The following MAGI2 variants were observed in gnomAD, a reference collection of about 807,000 sequenced individuals.
MAGI2 encodes the protein membrane associated guanylate kinase, WW and PDZ domain containing 2.
Under a neutral mutation model 133.3 loss-of-function variants are expected in MAGI2, and 35 were observed. The observed-to-expected ratio is 0.26, with a 90% CI of 0.20 to 0.35. The LOEUF (loss-of-function observed/expected upper bound fraction) is 0.35. MAGI2 is among the 10% of genes least tolerant of loss of function. The pLI is 1.00. For synonymous variants in MAGI2, 729 were observed against 710.6 expected (o/e 1.03, Z -0.41); for missense variants, 1,636 against 1,863.4 (o/e 0.88, Z 2.25).
intron 20 of MAGI2, among the ~76,000 whole-genome samples, chr7:78,120,949 C>G (rs3972353): frequency 0.69 from 96,370 of 139,026 alleles, 33,501 homozygotes; most frequent in African/African-American, 0.76. Context: ...TGCAGTGAGC[C>G]GAGATCCCGC....
intron 6 of MAGI2, among the ~76,000 whole-genome samples, chr7:78,489,535 A>T (rs1793393929): frequency 6.6e-6 from 1 of 152,138 alleles, no homozygotes; most frequent in African/African-American, 2.4e-5. Context: ...ACCAACAGAG[A>T]TGACAGAGAT....
At chr7:78,460,722 AATGGAGGTTGCTAG>A (rs1421103550) in intron 6 of MAGI2, among the ~76,000 whole-genome samples, 1 of 152,208 alleles carries the variant, frequency 6.6e-6, no homozygotes, top group South Asian at 2.1e-4. Flanking sequence ...CTTTGGGTTA[AATGGAGGTTGCTAG>A]GTGGAGGTTG....
At chr7:78,192,590 G>C (rs1351204932) in intron 12 of MAGI2, among the ~76,000 whole-genome samples, 1 of 150,414 alleles carries the variant, frequency 6.6e-6, no homozygotes, top group Non-Finnish European at 1.5e-5. Context: ...TATTCAGAGA[G>C]ACTAGAGAAA....
intron 6 of MAGI2, among the ~76,000 whole-genome samples, chr7:78,480,963 A>G (rs772941979): frequency 9.2e-5 from 14 of 151,978 alleles, no homozygotes; most frequent in Non-Finnish European, 2.1e-4. Context: ...GGATTGGAAT[A>G]CTCAACACAG....
At chr7:79,115,150 T>C (rs10267262) in intron 1 of MAGI2, among the ~76,000 whole-genome samples, 4,140 of 152,260 alleles carry the variant, frequency 0.027, 91 homozygotes, top group Admixed American at 0.068. Context: ...GAAATGTTCA[T>C]GACCTTTGCA....
At chr7:78,075,644 G>A (rs1489134847) in intron 21 of MAGI2, among the ~76,000 whole-genome samples, 1 of 152,118 alleles carries the variant, frequency 6.6e-6, no homozygotes, top group Non-Finnish European at 1.5e-5. Context: ...CCAAAATGCT[G>A]GGATTACAGG....
At chr7:79,018,578 C>A (rs1233179294) in intron 1 of MAGI2, among the ~76,000 whole-genome samples, 13 of 152,160 alleles carry the variant, frequency 8.5e-5, no homozygotes. Context: ...AGAGTAAATG[C>A]CCCAATTAAA....
intron 2 of MAGI2, among the ~76,000 whole-genome samples, chr7:78,950,287 G>T (rs768609791): frequency 6.6e-6 from 1 of 152,060 alleles, no homozygotes; most frequent in African/African-American, 2.4e-5. Flanking sequence ...TGATTCCTAT[G>T]ATTGCAAAAA....
At chr7:78,970,928 T>A (rs1162275573) in intron 2 of MAGI2, among the ~76,000 whole-genome samples, 2 of 152,056 alleles carry the variant, frequency 1.3e-5, no homozygotes, top group African/African-American at 4.8e-5. Flanking sequence ...AGAGGAATGC[T>A]AACTGTTTGA....
chr7:78,923,855 C>G (rs1799463709), intron 2 of MAGI2, among the ~76,000 whole-genome samples: 2 of 152,094 alleles, frequency 1.3e-5, no homozygotes, highest in Admixed American at 1.3e-4. Context: ...TTGTTTGTAT[C>G]CTCTTTTATT....
intron 7 of MAGI2, among the ~76,000 whole-genome samples, chr7:78,367,438 G>A (rs540460561): frequency 6.6e-6 from 1 of 152,366 alleles, no homozygotes; most frequent in South Asian, 2.1e-4. Context: ...ACTACGACCT[G>A]CAGGCAAGAT....
intron 21 of MAGI2, among the ~76,000 whole-genome samples, chr7:78,022,272 A>G (rs1451232529): frequency 6.6e-6 from 1 of 152,230 alleles, no homozygotes; most frequent in East Asian, 1.9e-4. Flanking sequence ...AGGCCTAACT[A>G]GAGGGTAGCT....
chr7:79,250,743 A>T (rs1343036433), intron 1 of MAGI2, among the ~76,000 whole-genome samples: 2 of 152,166 alleles, frequency 1.3e-5, no homozygotes, highest in Non-Finnish European at 2.9e-5. Flanking sequence ...AGGAAAAAAA[A>T]ATACTAACAG....
At position 78,832,658 on chromosome 7, in the gene MAGI2, G is replaced by C. The variant is rs1397416762; in HGVS notation, c.418+174432C>G. Among the ~76,000 whole-genome samples the C allele has an allele frequency of 3.3e-5, 5 of 152,174 alleles. No individual in the cohort carries two copies. In the East Asian group the frequency reaches 9.6e-4, roughly 29 times the overall value. ...CTCATGATACAAGGGGGAACTAGAA[G>C]AGTAAAATGTAAGGAGACCCCTGAA... On this transcript the variant is annotated intron_variant, in intron 2 of 21. Coordinates refer to ENST00000354212, the MANE Select transcript of MAGI2 (RefSeq NM_012301.4).
At chr7:78,765,515 A>G (rs1824935116) in intron 2 of MAGI2, among the ~76,000 whole-genome samples, 1 of 151,578 alleles carries the variant, frequency 6.6e-6, no homozygotes, top group African/African-American at 2.4e-5. Flanking sequence ...CACCCGGCTA[A>G]TTTTTGTACT....
chr7:78,479,009 C>T (rs1584322609), intron 6 of MAGI2, among the ~76,000 whole-genome samples: 2 of 151,848 alleles, frequency 1.3e-5, no homozygotes, highest in African/African-American at 4.8e-5. Flanking sequence ...TCAGTAGATC[C>T]CAGAAAGGGT....
At chr7:79,102,024 C>G (rs536904787) in intron 1 of MAGI2, among the ~76,000 whole-genome samples, 1 of 152,058 alleles carries the variant, frequency 6.6e-6, no homozygotes, top group African/African-American at 2.4e-5. Flanking sequence ...AAAAATCTAT[C>G]TTAAACACAG....
intron 9 of MAGI2, among the ~76,000 whole-genome samples, chr7:78,335,225 A>C (rs1319375968): frequency 2.0e-5 from 3 of 152,170 alleles, no homozygotes; most frequent in African/African-American, 7.2e-5. Context: ...AAGGACTCTC[A>C]GTTGCTCCAC....
At chr7:78,582,793 T>C (rs1000299366) in intron 3 of MAGI2, among the ~76,000 whole-genome samples, 4 of 152,176 alleles carry the variant, frequency 2.6e-5, no homozygotes, top group African/African-American at 9.7e-5. Context: ...ACCAGTTACA[T>C]TGTTTGGTTT....
Sources: gnomAD v4.1 joint callset for allele counts (sites outside exome capture counted in the v4.1 genomes callset) on GRCh38, gnomAD v4.1.1 for gene constraint, MANE v1.5 for transcripts, NCBI Gene and HGNC (gene_info 2026-07-23, HGNC 2026-07-21) for gene names.